NPTN: variants seen among roughly 807,000 people sequenced by gnomAD.
NPTN encodes the protein SDR-1.
NPTN carries 5 observed loss-of-function variants against 42.7 expected under a neutral mutation model. The ratio of observed to expected loss-of-function variants is 0.12; its 90% confidence interval spans 0.06 to 0.25. The LOEUF is 0.25. NPTN is among the 10% of genes least tolerant of loss of function. The probability of loss-of-function intolerance (pLI) is 1.00; values close to 1 mark genes in which losing one functional copy is unlikely to be tolerated. For synonymous variants in NPTN, 180 were observed against 201.9 expected, an observed-to-expected ratio of 0.89 and a Z score of 0.92; for missense variants, 307 against 525.4, an observed-to-expected ratio of 0.58 and a Z score of 4.06.
intron 6 of NPTN, chr15:73,567,123 C>G (rs1027652700): frequency 1.0e-6 from 1 of 980,810 alleles, no homozygotes; most frequent in African/African-American, 1.8e-5. Flanking sequence ...TATGTAAGTT[C>G]AAATTTGTGC....
chr15:73,580,630 T>G (rs28591142), intron 4 of NPTN, among the ~76,000 whole-genome samples: 1 of 146,648 alleles, frequency 6.8e-6, no homozygotes. Context: ...TATGTATATA[T>G]GTATATACAT....
intron 1 of NPTN, among the ~76,000 whole-genome samples, chr15:73,619,197 T>C (rs1898010330): frequency 6.6e-6 from 1 of 152,136 alleles, no homozygotes; most frequent in African/African-American, 2.4e-5. Flanking sequence ...ATTATGGTGA[T>C]GGGAATAAAG....
chr15:73,629,094 T>C (rs1898589131), intron 1 of NPTN, among the ~76,000 whole-genome samples: 1 of 152,148 alleles, frequency 6.6e-6, no homozygotes, highest in African/African-American at 2.4e-5. Flanking sequence ...TTGGATCCAG[T>C]AACCTTGTAA....
At chr15:73,628,315 G>C (rs921711502) in intron 1 of NPTN, among the ~76,000 whole-genome samples, 1 of 152,064 alleles carries the variant, frequency 6.6e-6, no homozygotes, top group African/African-American at 2.4e-5. Context: ...TTTTCTCCTT[G>C]TACTACTGCA....
chr15:73,607,381 A>G (rs1325623618), intron 1 of NPTN, among the ~76,000 whole-genome samples: 1 of 152,228 alleles, frequency 6.6e-6, no homozygotes, highest in African/African-American at 2.4e-5. Flanking sequence ...CTGACAACAC[A>G]GTAACAATCA....
At chr15:73,620,980 T>C (rs958351910) in intron 1 of NPTN, among the ~76,000 whole-genome samples, 1 of 152,214 alleles carries the variant, frequency 6.6e-6, no homozygotes, top group Non-Finnish European at 1.5e-5. Context: ...TTATATTACA[T>C]TTAGGACATC....
At position 73,560,328 on chromosome 15, in the gene NPTN, G is replaced by C. The variant is rs950030087; in HGVS notation, c.*735C>G. The C allele has an allele frequency of 6.3e-6, 1 of 157,752 alleles. No individual in the cohort carries two copies. Among genetic ancestry groups the C allele is most frequent in the African/African-American group, 2.4e-5 (1 of 41,458 alleles). 9.8% of individuals were successfully genotyped at this position (157,752 alleles called of 1,614,324 possible). ...TACAAGAATAAGGTTCAACACATCA[G>C]TGCAAAAGGATTTATGAATTTACAT... is the stretch of plus-strand genomic sequence containing the variant. On this transcript the variant is annotated 3_prime_UTR_variant, in exon 9 of 9. Coordinates refer to ENST00000345330, the MANE Select transcript of NPTN (RefSeq NM_012428.4).
chr15:73,563,117 C>T (rs2141346789), intron 7 of NPTN, 119 bp downstream of exon 7: 1 of 744,448 alleles, frequency 1.3e-6, no homozygotes, highest in Middle Eastern at 2.3e-4. Flanking sequence ...ATCTACACTG[C>T]AACCTTCATT....
intron 4 of NPTN, among the ~76,000 whole-genome samples, chr15:73,576,118 G>C (rs1895681095): frequency 6.6e-6 from 1 of 152,100 alleles, no homozygotes; most frequent in African/African-American, 2.4e-5. Context: ...AGGCTCCATA[G>C]CCACACAGGA....
At chr15:73,593,941 G>A (rs747467411) in intron 2 of NPTN, among the ~76,000 whole-genome samples, 1 of 152,018 alleles carries the variant, frequency 6.6e-6, no homozygotes, top group Non-Finnish European at 1.5e-5. Context: ...CCAAATCCCT[G>A]GGCCTTAAGA....
intron 5 of NPTN, among the ~76,000 whole-genome samples, chr15:73,571,347 G>T (rs1188994498): frequency 6.6e-6 from 1 of 152,200 alleles, no homozygotes; most frequent in East Asian, 1.9e-4. Flanking sequence ...AGGTGGGAGT[G>T]AGAAGGTGAG....
At position 73,570,049 on chromosome 15, in the gene NPTN, G is replaced by A; in HGVS notation, c.1114+101C>T. ...ATAAGAATTTTCCTTCTTTCCTTTA[G>A]GGATTGAATCCCAACATCCCTATAG... On this transcript the variant is annotated intron_variant, in intron 6 of 8. Transcript: ENST00000345330. The surrounding 1 kb of genome is among the most constrained non-coding windows in gnomAD (Gnocchi z 4.0). 3 of 1,162,674 alleles carry A rather than the reference G, an allele frequency of 2.6e-6. No individual in the cohort carries two copies. The highest frequency in any genetic ancestry group is 5.3e-5 in the South Asian group (2 of 37,836). The allele number at this position is 1,162,674 out of a possible 1,614,324, so 72.0% of individuals were successfully genotyped here.
At chr15:73,602,413 T>A (rs1012116636) in intron 1 of NPTN, among the ~76,000 whole-genome samples, 2 of 152,112 alleles carry the variant, frequency 1.3e-5, no homozygotes, top group Admixed American at 6.6e-5. Flanking sequence ...TCTGTCTCTC[T>A]CACACACACA....
intron 3 of NPTN, among the ~76,000 whole-genome samples, chr15:73,590,912 T>C (rs1896559582): frequency 6.6e-6 from 1 of 152,184 alleles, no homozygotes; most frequent in Admixed American, 6.5e-5. Context: ...TAATTTTTTT[T>C]TTTATCAGAA....
At chr15:73,607,954 A>C (rs540482625) in intron 1 of NPTN, among the ~76,000 whole-genome samples, 167 of 152,280 alleles carry the variant, frequency 1.1e-3, no homozygotes, top group Middle Eastern at 0.01. Context: ...GCAAATTTTG[A>C]GCTTGTTTAA....
At chr15:73,582,958 G>A (rs1334521873) in intron 4 of NPTN, among the ~76,000 whole-genome samples, 1 of 152,148 alleles carries the variant, frequency 6.6e-6, no homozygotes, top group African/African-American at 2.4e-5. Context: ...TGCTCCTCAA[G>A]CGTGCAGGCA....
intron 1 of NPTN, among the ~76,000 whole-genome samples, chr15:73,616,125 G>C (rs1002220599): frequency 6.6e-6 from 1 of 152,068 alleles, no homozygotes; most frequent in Non-Finnish European, 1.5e-5. Flanking sequence ...TTCAACAATG[G>C]ACATATATAT....
chr15:73,614,882 C>CT (rs1301359005), intron 1 of NPTN, among the ~76,000 whole-genome samples: 1 of 152,050 alleles, frequency 6.6e-6, no homozygotes, highest in Non-Finnish European at 1.5e-5. Flanking sequence ...AAAGACTAGA[C>CT]TTTGTTATAT....
In NPTN at chr15:73,560,029, T is replaced by G. The variant is rs779057991; in HGVS notation, c.*1034A>C. ...ATTATCCAAACACCTTTTATCAATG[T>G]TTTATTTTTAAAAACAGGTGAATCC... On this transcript the variant is annotated 3_prime_UTR_variant, in exon 9 of 9. Coordinates refer to ENST00000345330, the MANE Select transcript of NPTN (RefSeq NM_012428.4). 9.1e-5 allele frequency: 94 copies of G among 1,036,430 alleles called. No individual in the cohort carries two copies. The Middle Eastern group carries it at 1.3e-3, about 14-fold the overall frequency. 64.2% of individuals were successfully genotyped at this position (1,036,430 alleles called of 1,614,324 possible). A position where few individuals can be genotyped will look rare whatever the true frequency, so the allele number is the denominator to read the frequency against.
Sources: allele counts gnomAD v4.1 joint callset (sites outside exome capture counted in the v4.1 genomes callset), GRCh38; gene constraint gnomAD v4.1.1; non-coding constraint Gnocchi (gnomAD v3.1); transcripts MANE v1.5; gene names NCBI Gene and HGNC (gene_info 2026-07-23, HGNC 2026-07-21).